Variants in SLC35F2 observed in about 807,000 individuals in gnomAD.
SLC35F2 encodes the protein queuine/queuosine transporter SLC35F2.
A neutral mutation model predicts 38.1 loss-of-function variants in SLC35F2; 25 were observed. That is an observed-to-expected ratio of 0.66 (90% CI 0.48 to 0.92). SLC35F2 has a LOEUF of 0.92. SLC35F2 is among the 40% of genes least tolerant of loss of function. The probability of loss-of-function intolerance (pLI) is 0.00; values close to 1 mark genes in which losing one functional copy is unlikely to be tolerated. For synonymous variants in SLC35F2, 173 were observed against 181.7 expected (o/e 0.95, Z 0.38); for missense variants, 409 against 452.9 (o/e 0.90, Z 0.88).
At chr11:107,829,418 C>T (rs1170903102) in intron 1 of SLC35F2, among the ~76,000 whole-genome samples, 5 of 137,182 alleles carry the variant, frequency 3.6e-5, no homozygotes, top group Non-Finnish European at 6.4e-5. Flanking sequence ...GACTACATCT[C>T]AAAAAAAAAA....
intron 2 of SLC35F2, among the ~76,000 whole-genome samples, chr11:107,813,029 G>A (rs1565431602): frequency 6.6e-6 from 1 of 152,208 alleles, no homozygotes; most frequent in Non-Finnish European, 1.5e-5. Context: ...CATCACAGGA[G>A]ATGCAGAGTT....
At chr11:107,829,502 C>A (rs531168905) in intron 1 of SLC35F2, among the ~76,000 whole-genome samples, 1 of 152,136 alleles carries the variant, frequency 6.6e-6, no homozygotes, top group African/African-American at 2.4e-5. Flanking sequence ...CAGTATGAGG[C>A]CCTCACCAGA....
intron 2 of SLC35F2, among the ~76,000 whole-genome samples, chr11:107,812,969 C>T (rs899924311): frequency 6.6e-6 from 1 of 152,128 alleles, no homozygotes; most frequent in Admixed American, 6.6e-5. Flanking sequence ...TTTATTCCTC[C>T]AAATTATATG....
intron 1 of SLC35F2, among the ~76,000 whole-genome samples, chr11:107,845,770 T>C (rs1400736252): frequency 6.6e-6 from 1 of 151,734 alleles, no homozygotes; most frequent in Non-Finnish European, 1.5e-5. Context: ...CTGGCCAACA[T>C]GGTAAAACCC....
chr11:107,843,867 AAATATATATATATATATATATATAT>A (rs1860058376), intron 1 of SLC35F2, among the ~76,000 whole-genome samples: 1 of 30,706 alleles, frequency 3.3e-5, no homozygotes, highest in East Asian at 1.4e-3. Context: ...AAAAAAAAAA[AAATATATATATATATATATATATAT>A]ATATATATAT....
chr11:107,838,215 G>A (rs1859959777), intron 1 of SLC35F2, among the ~76,000 whole-genome samples: 1 of 152,136 alleles, frequency 6.6e-6, no homozygotes, highest in Admixed American at 6.6e-5. Context: ...TACACTACTT[G>A]CATTTATTAG....
intron 2 of SLC35F2, among the ~76,000 whole-genome samples, chr11:107,813,218 G>T (rs1236144941): frequency 6.6e-6 from 1 of 152,170 alleles, no homozygotes; most frequent in African/African-American, 2.4e-5. Flanking sequence ...GCTGAGGTGG[G>T]CAGATCACCT....
chr11:107,808,832 C>T (rs188834080), intron 3 of SLC35F2, among the ~76,000 whole-genome samples: 82 of 152,294 alleles, frequency 5.4e-4, no homozygotes, highest in Non-Finnish European at 8.8e-4. Flanking sequence ...CCAGCCATAA[C>T]GGCTTAACAA....
intron 1 of SLC35F2, among the ~76,000 whole-genome samples, chr11:107,843,878 TA>T (rs1860060035): frequency 3.2e-5 from 1 of 31,220 alleles, no homozygotes; most frequent in African/African-American, 1.2e-4. Flanking sequence ...AATATATATA[TA>T]TATATATATA....
intron 1 of SLC35F2, among the ~76,000 whole-genome samples, chr11:107,817,796 C>T (rs183574578): frequency 1.3e-5 from 2 of 152,092 alleles, no homozygotes; most frequent in African/African-American, 2.4e-5. Flanking sequence ...CGGTGGCTCA[C>T]GCTTGTAATC....
intron 7 of SLC35F2, among the ~76,000 whole-genome samples, chr11:107,794,057 A>G (rs1296759694): frequency 1.3e-5 from 2 of 151,200 alleles, no homozygotes; most frequent in African/African-American, 4.9e-5. Context: ...AAGTTGAAGT[A>G]TTAAAGAAAT....
At position 107,818,136 on chromosome 11, in the gene SLC35F2, A is replaced by G. The variant is rs79206188; in HGVS notation, c.111-2171T>C. ...AGAAAGAAAGAAAGAAAGAAAGAAA[A>G]AGAAACAATTGTCAGCTGGGCATAG... On this transcript the variant is annotated intron_variant, in intron 1 of 7. Transcript: ENST00000525815. 7.4e-3 allele frequency among the ~76,000 whole-genome samples: 1,041 copies of G among 141,306 alleles called. 5 individuals are homozygous for G. Among genetic ancestry groups the G allele is most frequent in the Non-Finnish European group, 0.011 (695 of 63,288 alleles). The allele number at this position is 141,306 out of a possible 152,430, so 92.7% of individuals were successfully genotyped here. A position where few individuals can be genotyped will look rare whatever the true frequency, so the allele number is the denominator to read the frequency against.
chr11:107,828,659 G>A (rs1360421916), intron 1 of SLC35F2, among the ~76,000 whole-genome samples: 1 of 152,018 alleles, frequency 6.6e-6, no homozygotes, highest in Non-Finnish European at 1.5e-5. Context: ...ATTAAGATGG[G>A]ATGACAAATA....
intron 3 of SLC35F2, chr11:107,810,240 C>G (rs1013208081): frequency 2.3e-5 from 23 of 985,188 alleles, no homozygotes; most frequent in East Asian, 1.1e-4. Flanking sequence ...TTTTGGCAAC[C>G]AAATGCTTAG....
chr11:107,816,157 T>C (rs1309029205), intron 1 of SLC35F2, 192 bp from the exon 2 acceptor site: 1 of 985,258 alleles, frequency 1.0e-6, no homozygotes, highest in Non-Finnish European at 1.2e-6. Flanking sequence ...TATTCTCTAT[T>C]TTTCTGATCC....
intron 1 of SLC35F2, among the ~76,000 whole-genome samples, chr11:107,841,381 G>A (rs1193624650): frequency 1.3e-5 from 2 of 151,992 alleles, no homozygotes; most frequent in African/African-American, 2.4e-5. Context: ...TGACCAACAT[G>A]GTGAAACCCT....
intron 1 of SLC35F2, among the ~76,000 whole-genome samples, chr11:107,830,583 C>CAAAAAAA (rs66495434): frequency 2.1e-5 from 2 of 95,638 alleles, no homozygotes; most frequent in Non-Finnish European, 4.2e-5. Flanking sequence ...GACTCAGTCT[C>CAAAAAAA]AAAAAAAAAA....
intron 1 of SLC35F2, among the ~76,000 whole-genome samples, chr11:107,845,511 A>AC (rs891782734): frequency 2.0e-5 from 3 of 152,008 alleles, no homozygotes; most frequent in Non-Finnish European, 4.4e-5. Context: ...ACAAAGTGAG[A>AC]CCCCATCTCC....
intron 7 of SLC35F2, among the ~76,000 whole-genome samples, chr11:107,797,734 T>C (rs753877812): frequency 6.6e-6 from 1 of 152,150 alleles, no homozygotes; most frequent in Non-Finnish European, 1.5e-5. Context: ...AGGAATGTAA[T>C]AGCCACAGCC....
Sources: allele counts gnomAD v4.1 joint callset (sites outside exome capture counted in the v4.1 genomes callset), GRCh38; gene constraint gnomAD v4.1.1; transcripts MANE v1.5; gene names NCBI Gene and HGNC (gene_info 2026-07-23, HGNC 2026-07-21).